The following MMP24 variants were observed in gnomAD, a reference collection of about 807,000 sequenced individuals.
MMP24 encodes the protein matrix metallopeptidase 24.
Under a neutral mutation model 62.8 loss-of-function variants are expected in MMP24, and 25 were observed. The ratio of observed to expected loss-of-function variants is 0.40; its 90% CI spans 0.29 to 0.56. The LOEUF is 0.56. Among genes scored for constraint, MMP24 ranks in the 20% least tolerant of loss-of-function variants. MMP24 has a pLI of 0.50. For synonymous variants in MMP24, 319 were observed against 350.5 expected, an observed-to-expected ratio of 0.91 and a Z score of 1.00; for missense variants, 634 against 853.6, an observed-to-expected ratio of 0.74 and a Z score of 3.21.
intron 4 of MMP24, among the ~76,000 whole-genome samples, chr20:35,258,415 C>T (rs1161520591): frequency 6.6e-6 from 1 of 152,202 alleles, no homozygotes; most frequent in Non-Finnish European, 1.5e-5. Flanking sequence ...TCCACACACA[C>T]ATGGCTGACA....
intron 1 of MMP24, among the ~76,000 whole-genome samples, chr20:35,243,720 T>C (rs2060500055): frequency 6.6e-6 from 1 of 152,106 alleles, no homozygotes; most frequent in African/African-American, 2.4e-5. Flanking sequence ...AGGAAGAAAA[T>C]AACTTAGCCT....
At chr20:35,238,410 A>G (rs969542439) in intron 1 of MMP24, among the ~76,000 whole-genome samples, 1 of 152,216 alleles carries the variant, frequency 6.6e-6, no homozygotes, top group Admixed American at 6.5e-5. Context: ...GGGGACTGAC[A>G]GGGATGTACA....
chr20:35,271,896 G>A lies in MMP24; in HGVS notation c.1600+61G>A. The A allele has an allele frequency of 1.5e-5, 23 of 1,527,954 alleles. No individual in the cohort carries two copies. Among genetic ancestry groups the A allele is most frequent in the Non-Finnish European group, 2.0e-5 (23 of 1,140,964 alleles). 94.6% of individuals were successfully genotyped at this position (1,527,954 alleles called of 1,614,324 possible). A position where few individuals can be genotyped will look rare whatever the true frequency, so the allele number is the denominator to read the frequency against. ...CCGGTTTTATGTGGTCCTCACCAGT[G>A]CCCACGGGCATACTCAGTGCCCATG... On this transcript the variant is annotated intron_variant, in intron 8 of 8. Coordinates refer to ENST00000246186, the MANE Select transcript of MMP24 (RefSeq NM_006690.4). The surrounding 1 kb of genome is among the most constrained non-coding windows in gnomAD (Gnocchi z 4.0).
At chr20:35,264,446 C>T (rs1470483100) in intron 5 of MMP24, among the ~76,000 whole-genome samples, 1 of 152,096 alleles carries the variant, frequency 6.6e-6, no homozygotes, top group African/African-American at 2.4e-5. Context: ...AATCCCAGCA[C>T]TTTGGGAGGC....
intron 4 of MMP24, among the ~76,000 whole-genome samples, chr20:35,257,020 T>C (rs901346776): frequency 5.9e-5 from 9 of 152,196 alleles, no homozygotes; most frequent in Admixed American, 1.3e-4. Flanking sequence ...GCATCCTTTT[T>C]TCCTGCCCTG....
At chr20:35,238,546 C>G (rs1297054201) in intron 1 of MMP24, among the ~76,000 whole-genome samples, 4 of 152,106 alleles carry the variant, frequency 2.6e-5, no homozygotes, top group African/African-American at 9.7e-5. Flanking sequence ...GAACACAGAG[C>G]ACTAGGTGGG....
In MMP24 at chr20:35,267,252, C is replaced by A. The variant is rs764480571; in HGVS notation, c.1027C>A (p.Pro343Thr). 6 of 1,606,162 alleles carry A rather than the reference C, an allele frequency of 3.7e-6. No homozygotes were observed. In the South Asian group the frequency reaches 5.6e-5, roughly 15 times the overall value. ...LEPTRPLPTL[P>T]VRRIHSPSER... ...GCCCACAAGGCCACTCCCTACACTCCCCGTCCGCAGGATCCACTCACCATC... is the reference window on the plus strand; with the variant it reads ...GCCCACAAGGCCACTCCCTACACTCACCGTCCGCAGGATCCACTCACCATC... Residue 343 changes from proline (P) to threonine (T), a missense_variant, in exon 6 of 9, where the codon CCC (proline) becomes ACC (threonine). By Grantham distance (38) the Pro-to-Thr change is conservative. Around this residue, in one of 3 missense-constraint regions of MMP24, gnomAD observed 399 missense variants for 530.8 expected, o/e 0.75. Transcript: ENST00000246186.
At chr20:35,242,990 CA>C (rs2146207778) in intron 1 of MMP24, among the ~76,000 whole-genome samples, 1 of 152,176 alleles carries the variant, frequency 6.6e-6, no homozygotes, top group South Asian at 2.1e-4. Context: ...CCAGCCTGGC[CA>C]ACATGGTGAA....
At position 35,240,379 on chromosome 20, in the gene MMP24, G is replaced by C. The variant is rs143010024; in HGVS notation, c.247-6461G>C. Among the ~76,000 whole-genome samples, 193 of 151,972 alleles carry C rather than the reference G, an allele frequency of 1.3e-3. 2 individuals carry two copies. In the Middle Eastern group the frequency reaches 0.014, roughly 11 times the overall value. On this transcript the variant is annotated intron_variant, in intron 1 of 8. Transcript: ENST00000246186. ...CTATTTTGGTCTCTGCTTGCACTCT[G>C]AGATTTTTCTTACTTTCCTCTGGGT...
In MMP24 at chr20:35,246,924, G is replaced by A. The variant is rs2060517896; in HGVS notation, c.331G>A (p.Val111Ile). 6.2e-7 allele frequency: 1 copy of A among 1,613,960 alleles called. No individual in the cohort carries two copies. The highest frequency in any genetic ancestry group is 8.5e-7 in the Non-Finnish European group (1 of 1,179,910). ...LHSAKALQSAVSTMQQFYGIP... is the reference protein window; with the variant it reads ...LHSAKALQSAISTMQQFYGIP... ...CTCAGCGAAGGCCTTGCAGTCGGCA[G>A]TCTCCACTATGCAGCAGTTTTACGG... is the stretch of plus-strand genomic sequence containing the variant. The change falls in exon 2 of 9, where the codon GTC (valine) becomes ATC (isoleucine). Residue 111 changes from valine (V) to isoleucine (I), a missense_variant. By Grantham distance (29) the Val-to-Ile change is conservative. Coordinates refer to ENST00000246186, the MANE Select transcript of MMP24 (RefSeq NM_006690.4).
chr20:35,258,697 A>G (rs2060587059), intron 4 of MMP24, among the ~76,000 whole-genome samples: 1 of 152,108 alleles, frequency 6.6e-6, no homozygotes, highest in African/African-American at 2.4e-5. Context: ...GCAAATACAT[A>G]TGATGCAGAC....
intron 2 of MMP24, among the ~76,000 whole-genome samples, chr20:35,250,586 AAGAG>A (rs1030316255): frequency 6.6e-6 from 1 of 151,924 alleles, no homozygotes; most frequent in Non-Finnish European, 1.5e-5. Flanking sequence ...GAAAGAAAGA[AAGAG>A]AAATACCTGA....
At chr20:35,241,732 C>T (rs1393679581) in intron 1 of MMP24, among the ~76,000 whole-genome samples, 1 of 152,156 alleles carries the variant, frequency 6.6e-6, no homozygotes, top group African/African-American at 2.4e-5. Context: ...CTTTTAATTC[C>T]CAGAGCACTG....
chr20:35,273,333 C>A (rs924341483), intron 8 of MMP24, among the ~76,000 whole-genome samples: 1 of 151,370 alleles, frequency 6.6e-6, no homozygotes, highest in Non-Finnish European at 1.5e-5. Context: ...GAGTTTGAGG[C>A]TGCAGTGAGT....
Position 35,252,781 on chromosome 20 carries a change from C to T in MMP24, c.512+760C>T, listed in dbSNP as rs890835296. ...GGGCAAGGGCCAGGCATTGAGCAGG[C>T]TCAGGTGGGGGTGGGGCAAGGGGCA... On this transcript the variant is annotated intron_variant, in intron 3 of 8. Transcript: ENST00000246186. 3.4e-5 allele frequency among the ~76,000 whole-genome samples: 5 copies of T among 148,450 alleles called. No individual in the cohort carries two copies. The South Asian group carries it at 6.5e-4, about 19-fold the overall frequency.
At chr20:35,247,299 A>G (rs914033977) in intron 2 of MMP24, among the ~76,000 whole-genome samples, 2 of 152,094 alleles carry the variant, frequency 1.3e-5, no homozygotes, top group Non-Finnish European at 2.9e-5. Context: ...CGAATAATTT[A>G]TCTATGGGTC....
intron 1 of MMP24, among the ~76,000 whole-genome samples, chr20:35,243,505 T>C (rs2060498933): frequency 6.6e-6 from 1 of 152,220 alleles, no homozygotes; most frequent in African/African-American, 2.4e-5. Context: ...CAGTTAATGC[T>C]TGTTGAATGC....
intron 5 of MMP24, among the ~76,000 whole-genome samples, chr20:35,264,574 G>A (rs1408878854): frequency 6.6e-6 from 1 of 151,756 alleles, no homozygotes; most frequent in Non-Finnish European, 1.5e-5. Context: ...CAGGTGTGGT[G>A]GTGGGCAAGT....
intron 1 of MMP24, among the ~76,000 whole-genome samples, chr20:35,230,592 C>T (rs2060433278): frequency 6.6e-6 from 1 of 152,188 alleles, no homozygotes; most frequent in African/African-American, 2.4e-5. Context: ...CAAGCCTATT[C>T]CTTTTGGCAG....
Sources: allele counts gnomAD v4.1 joint callset (sites outside exome capture counted in the v4.1 genomes callset), GRCh38; gene constraint gnomAD v4.1.1; regional missense constraint gnomAD v4.1.1; non-coding constraint Gnocchi (gnomAD v3.1); transcripts MANE v1.5; gene names NCBI Gene and HGNC (gene_info 2026-07-23, HGNC 2026-07-21).